Variants in GLG1 observed in about 807,000 individuals in gnomAD.
GLG1 encodes Golgi apparatus protein 1.
Under a neutral mutation model 160.5 loss-of-function variants are expected in GLG1, and 38 were observed. That is an observed-to-expected ratio of 0.24 (90% CI 0.18 to 0.31). The LOEUF is 0.31. GLG1 is among the 10% of genes least tolerant of loss of function. The probability of loss-of-function intolerance (pLI) is 1.00; values close to 1 mark genes in which losing one functional copy is unlikely to be tolerated. For synonymous variants in GLG1, 644 were observed against 543.4 expected, an observed-to-expected ratio of 1.19 and a Z score of -2.57; for missense variants, 1,373 against 1,505.2, an observed-to-expected ratio of 0.91 and a Z score of 1.45.
At chr16:74,476,831 A>C (rs3785314) in intron 12 of GLG1, among the ~76,000 whole-genome samples, 1 of 152,156 alleles carries the variant, frequency 6.6e-6, no homozygotes, top group Non-Finnish European at 1.5e-5. Flanking sequence ...CTGAGCTTCA[A>C]TTTGTCAACC....
At chr16:74,506,595 A>AAAAAAAAAAAAAAAAAC in intron 3 of GLG1, among the ~76,000 whole-genome samples, 1 of 148,816 alleles carries the variant, frequency 6.7e-6, no homozygotes, top group Non-Finnish European at 1.5e-5. Flanking sequence ...AAAAAAAAAA[A>AAAAAAAAAAAAAAAAAC]AAAAAAAAAC....
intron 2 of GLG1, among the ~76,000 whole-genome samples, chr16:74,528,528 T>C (rs1277340736): frequency 1.3e-5 from 2 of 151,956 alleles, no homozygotes; most frequent in Non-Finnish European, 2.9e-5. Context: ...ATAATGTGTC[T>C]AGGCTAGGTG....
rs2014247337 is a variant in GLG1 at position 74,450,517 on chromosome 16, T to C, written c.*2650A>G. On this transcript the variant is annotated 3_prime_UTR_variant, in exon 26 of 26. Coordinates refer to ENST00000422840, the MANE Select transcript of GLG1 (RefSeq NM_001145667.2). Reference sequence around the variant, plus strand: ...TCTTGTAATAAGTAATTGAAGATACTGGCAGAGCTAACTTTTCTATTCTGA... The same window carrying C: ...TCTTGTAATAAGTAATTGAAGATACCGGCAGAGCTAACTTTTCTATTCTGA... 1 of 152,320 alleles carries C rather than the reference T, an allele frequency of 6.6e-6. No homozygotes were observed. Among genetic ancestry groups the C allele is most frequent in the Admixed American group, 6.5e-5 (1 of 15,294 alleles). 9.4% of individuals were successfully genotyped at this position (152,320 alleles called of 1,614,324 possible). A position where few individuals can be genotyped will look rare whatever the true frequency, so the allele number is the denominator to read the frequency against.
intron 10 of GLG1, among the ~76,000 whole-genome samples, chr16:74,481,100 T>C (rs1192602793): frequency 1.3e-5 from 2 of 152,226 alleles, no homozygotes; most frequent in African/African-American, 4.8e-5. Context: ...TTTTACTAAA[T>C]ACCTTTTTCT....
chr16:74,468,102 G>T, intron 17 of GLG1: 1 of 353,038 alleles, frequency 2.8e-6, no homozygotes. Flanking sequence ...CAGGACTGCT[G>T]AGATGTGAAA....
chr16:74,508,710 A>C (rs544444304), intron 3 of GLG1, 129 bp downstream of exon 3: 1 of 580,594 alleles, frequency 1.7e-6, no homozygotes, highest in Admixed American at 2.8e-5. Flanking sequence ...CCAACTTCCT[A>C]ATTTTCAACC....
intron 1 of GLG1, among the ~76,000 whole-genome samples, chr16:74,569,270 T>A (rs576607314): frequency 1.3e-5 from 2 of 152,164 alleles, no homozygotes; most frequent in Non-Finnish European, 2.9e-5. Context: ...TGGTCAGAAT[T>A]CCCTAGCATA....
At chr16:74,570,976 A>C (rs2018808966) in intron 1 of GLG1, among the ~76,000 whole-genome samples, 1 of 149,926 alleles carries the variant, frequency 6.7e-6, no homozygotes, top group Admixed American at 6.6e-5. Flanking sequence ...TTTTAACCAC[A>C]CCTCACTTGG....
At chr16:74,503,310 G>A (rs2016478618) in intron 4 of GLG1, among the ~76,000 whole-genome samples, 1 of 152,088 alleles carries the variant, frequency 6.6e-6, no homozygotes, top group Admixed American at 6.6e-5. Flanking sequence ...CTCTTTGCAG[G>A]TATTAATTCC....
Position 74,597,669 on chromosome 16 carries a change from C to T in GLG1, c.438+8988G>A, listed in dbSNP as rs560256804. The stretch of plus-strand genomic sequence containing the variant: ...GAGATTGAGACCATCCTGACTAACA[C>T]AGTGAAATCCCATCTCTACTAAAAA... On this transcript the variant is annotated intron_variant, in intron 1 of 25. Coordinates refer to ENST00000422840, the MANE Select transcript of GLG1 (RefSeq NM_001145667.2). Among the ~76,000 whole-genome samples, 371 of 151,750 alleles carry T rather than the reference C, an allele frequency of 2.4e-3. 1 individual carries two copies. Among genetic ancestry groups the T allele is most frequent in the African/African-American group, 8.5e-3 (352 of 41,382 alleles).
chr16:74,533,374 G>C (rs925406740), intron 1 of GLG1, among the ~76,000 whole-genome samples: 1 of 152,192 alleles, frequency 6.6e-6, no homozygotes, highest in Non-Finnish European at 1.5e-5. Context: ...CAGAAAAAAA[G>C]TGTGGACTAG....
chr16:74,483,115 C>A lies in GLG1; in HGVS notation c.1581G>T (p.Ser527=), dbSNP rs150263855. 6.3e-7 allele frequency: 1 copy of A among 1,587,998 alleles called. No individual in the cohort carries two copies. The highest frequency in any genetic ancestry group is 1.1e-5 in the South Asian group (1 of 90,486). Residue 527 remains serine (S), a synonymous_variant, in exon 10 of 26, where the codon TCG becomes TCT. Coordinates refer to ENST00000422840, the MANE Select transcript of GLG1 (RefSeq NM_001145667.2). ...CTGTGTATAAATGTTCCATCAGGCA[C>A]GACAAGATCCTAGCCATTAAATGTG... The part of the protein sequence containing the change: ...HIRSGDPMIL[S]CLMEHLYTEK...
intron 2 of GLG1, among the ~76,000 whole-genome samples, chr16:74,516,828 A>C (rs1204815702): frequency 6.6e-6 from 1 of 152,198 alleles, no homozygotes; most frequent in Non-Finnish European, 1.5e-5. Flanking sequence ...AATAAAGAAG[A>C]GACAAGAATC....
At chr16:74,544,753 G>C (rs989997291) in intron 1 of GLG1, among the ~76,000 whole-genome samples, 4 of 152,130 alleles carry the variant, frequency 2.6e-5, no homozygotes, top group African/African-American at 9.7e-5. Flanking sequence ...TCCCACCTCG[G>C]CCTCCCAAAG....
intron 1 of GLG1, among the ~76,000 whole-genome samples, chr16:74,565,253 CA>C (rs1370266515): frequency 1.3e-5 from 2 of 152,190 alleles, no homozygotes; most frequent in Non-Finnish European, 2.9e-5. Flanking sequence ...CACTTGAACC[CA>C]GGGGGCAGAA....
intron 4 of GLG1, among the ~76,000 whole-genome samples, chr16:74,499,556 T>C (rs1256446191): frequency 1.3e-5 from 2 of 152,228 alleles, no homozygotes; most frequent in South Asian, 2.1e-4. Flanking sequence ...CTATACTACA[T>C]AGCCTAGGTG....
intron 1 of GLG1, among the ~76,000 whole-genome samples, chr16:74,549,730 A>G (rs914866254): frequency 1.3e-4 from 19 of 151,958 alleles, no homozygotes; most frequent in African/African-American, 4.6e-4. Context: ...TTATATTAAA[A>G]AGCCTTAATA....
intron 4 of GLG1, among the ~76,000 whole-genome samples, chr16:74,501,478 G>A (rs1029106045): frequency 6.6e-6 from 1 of 152,054 alleles, no homozygotes; most frequent in Non-Finnish European, 1.5e-5. Flanking sequence ...GTGCCTTTTG[G>A]CTCCAGCAGT....
At chr16:74,459,274 C>G (rs2014685600) in intron 23 of GLG1, among the ~76,000 whole-genome samples, 1 of 152,122 alleles carries the variant, frequency 6.6e-6, no homozygotes, top group Non-Finnish European at 1.5e-5. Context: ...GTCAGGAGAT[C>G]AAGACCATTC....
Sources: allele counts gnomAD v4.1 joint callset (sites outside exome capture counted in the v4.1 genomes callset), GRCh38; gene constraint gnomAD v4.1.1; transcripts MANE v1.5; gene names NCBI Gene and HGNC (gene_info 2026-07-23, HGNC 2026-07-21).